Variants in POLR3B observed in about 807,000 individuals in gnomAD.
The protein encoded by POLR3B is DNA-directed RNA polymerase III subunit RPC2.
A neutral mutation model predicts 147.4 loss-of-function variants in POLR3B; 96 were observed. The ratio of observed to expected loss-of-function variants is 0.65; its 90% confidence interval spans 0.55 to 0.77. The LOEUF is 0.77. POLR3B is among the 30% of genes least tolerant of loss of function. The pLI, the probability that POLR3B is intolerant of heterozygous loss-of-function variation, is 0.00. For synonymous variants in POLR3B, 461 were observed against 485.9 expected, an observed-to-expected ratio of 0.95 and a Z score of 0.67; for missense variants, 1,036 against 1,413.5, an observed-to-expected ratio of 0.73 and a Z score of 4.28.
chr12:106,436,301 A>G (rs984057772), intron 16 of POLR3B, among the ~76,000 whole-genome samples: 1 of 152,170 alleles, frequency 6.6e-6, no homozygotes, highest in Non-Finnish European at 1.5e-5. Context: ...TCAGTGCCGC[A>G]TGCCATCCTT....
intron 12 of POLR3B, among the ~76,000 whole-genome samples, chr12:106,413,365 C>A (rs1016759312): frequency 1.3e-5 from 2 of 151,856 alleles, no homozygotes; most frequent in African/African-American, 2.4e-5. Flanking sequence ...TTATTATCTC[C>A]CATCATTTAC....
intron 23 of POLR3B, among the ~76,000 whole-genome samples, chr12:106,491,222 C>A (rs554911302): frequency 7.9e-5 from 12 of 152,272 alleles, no homozygotes; most frequent in African/African-American, 2.9e-4. Flanking sequence ...GAGATAGGTG[C>A]TAATTATTCC....
At chr12:106,508,120 C>T (rs1048886503) in intron 27 of POLR3B, among the ~76,000 whole-genome samples, 6 of 152,196 alleles carry the variant, frequency 3.9e-5, no homozygotes, top group African/African-American at 1.4e-4. Flanking sequence ...TTGTCCTATA[C>T]ACCTTCCATT....
intron 10 of POLR3B, among the ~76,000 whole-genome samples, chr12:106,397,149 G>A (rs1022839623): frequency 6.6e-6 from 1 of 150,446 alleles, no homozygotes; most frequent in African/African-American, 2.4e-5. Context: ...GCACATTGTT[G>A]TTCCAAAATA....
rs1057520785 is a variant in POLR3B, at chr12:106,496,751, G to T, written c.2818-1G>T. 8 of 1,613,978 alleles carry T rather than the reference G, an allele frequency of 5.0e-6. No individual in the cohort carries two copies. Among genetic ancestry groups the T allele is most frequent in the African/African-American group, 1.3e-5 (1 of 74,944 alleles). ...TCACTTAATTTGTTCACATCCTGCA[G>T]GTGGGGAAGCTCATTGAGCTGCTGG... On this transcript the variant is annotated splice_acceptor_variant, in intron 24 of 27. Coordinates refer to ENST00000228347, the MANE Select transcript of POLR3B (RefSeq NM_018082.6). LOFTEE classifies it high-confidence loss of function.
Position 106,504,296 on chromosome 12 carries a change from T to C in POLR3B, c.3272+42T>C. On this transcript the variant is annotated intron_variant, in intron 27 of 27. Coordinates refer to ENST00000228347, the MANE Select transcript of POLR3B (RefSeq NM_018082.6). The surrounding 1 kb of genome is among the most constrained non-coding windows in gnomAD (Gnocchi z 4.6). Reference sequence around the variant, plus strand: ...TGTCTCCCATACCACACCCCTTGCCTCTTAAATCACAGCTCAAGAATTGAC... The same window carrying C: ...TGTCTCCCATACCACACCCCTTGCCCCTTAAATCACAGCTCAAGAATTGAC... 6.6e-7 allele frequency: 1 copy of C among 1,522,164 alleles called. No individual in the cohort carries two copies. The allele number at this position is 1,522,164 out of a possible 1,614,324, so 94.3% of individuals were successfully genotyped here.
intron 16 of POLR3B, among the ~76,000 whole-genome samples, chr12:106,436,148 A>G (rs1216256709): frequency 1.3e-5 from 2 of 152,170 alleles, no homozygotes; most frequent in East Asian, 3.8e-4. Flanking sequence ...GTAATTGTGC[A>G]GCTCCTCTTC....
chr12:106,444,043 G>T (rs934136301), intron 18 of POLR3B, among the ~76,000 whole-genome samples: 1 of 150,160 alleles, frequency 6.7e-6, no homozygotes, highest in African/African-American at 2.5e-5. Context: ...GGATGGTCTC[G>T]ATCTCTTGAC....
At chr12:106,393,197 G>A (rs1481008219) in intron 10 of POLR3B, 44 bp downstream of exon 10, 1 of 1,611,838 alleles carries the variant, frequency 6.2e-7, no homozygotes, top group Non-Finnish European at 8.5e-7. Context: ...TGGAATTGGA[G>A]ACTTAATGCT....
Position 106,366,681 on chromosome 12 carries a change from TG to T in POLR3B, c.187del (p.Glu63LysfsTer13). On this transcript the variant is annotated frameshift_variant, in exon 4 of 28. Coordinates refer to ENST00000228347, the MANE Select transcript of POLR3B (RefSeq NM_018082.6). LOFTEE classifies it high-confidence loss of function. The stretch of plus-strand genomic sequence containing the variant: ...AGATAAAGAAGATAATGAAAGCCAA[TG>T]AAAAGGTTACAAGTGACGCTGACCC... The part of the protein sequence containing the change: ...VEIKKIMKAN[E>X]KVTSDADPMW... The T allele has an allele frequency of 6.2e-7, 1 of 1,613,872 alleles. No homozygotes were observed. The highest frequency in any genetic ancestry group is 8.5e-7 in the Non-Finnish European group (1 of 1,179,786).
chr12:106,421,151 A>G (rs1350300141), intron 12 of POLR3B, among the ~76,000 whole-genome samples: 1 of 151,998 alleles, frequency 6.6e-6, no homozygotes, highest in East Asian at 1.9e-4. Flanking sequence ...TTGTGTCAAG[A>G]TGTGATACAG....
chr12:106,458,825 T>C (rs531609235), intron 21 of POLR3B, among the ~76,000 whole-genome samples: 115 of 152,338 alleles, frequency 7.5e-4, no homozygotes, highest in Middle Eastern at 3.4e-3. Context: ...AATAACAGCA[T>C]AACCAAAGAA....
chr12:106,487,158 C>T (rs894850783), intron 23 of POLR3B, among the ~76,000 whole-genome samples: 23 of 152,184 alleles, frequency 1.5e-4, no homozygotes, highest in Non-Finnish European at 3.4e-4. Flanking sequence ...TAGTCCACAA[C>T]ATCAGTTATG....
chr12:106,390,244 AAAAC>A, intron 9 of POLR3B, among the ~76,000 whole-genome samples: 1 of 142,770 alleles, frequency 7.0e-6, no homozygotes, highest in South Asian at 2.2e-4. Context: ...GCAAAACAAA[AAAAC>A]AAGCAGAAAA....
intron 10 of POLR3B, among the ~76,000 whole-genome samples, chr12:106,402,282 T>A (rs538913867): frequency 5.5e-4 from 83 of 152,128 alleles, no homozygotes; most frequent in African/African-American, 1.8e-3. Context: ...CAAGGAGAAC[T>A]ACAAACCACT....
At chr12:106,438,786 G>A (rs1467820339) in intron 18 of POLR3B, among the ~76,000 whole-genome samples, 1 of 152,144 alleles carries the variant, frequency 6.6e-6, no homozygotes, top group Non-Finnish European at 1.5e-5. Flanking sequence ...TTTGTCCATG[G>A]ACATCTGAAT....
chr12:106,506,795 C>T (rs2038694935), intron 27 of POLR3B, among the ~76,000 whole-genome samples: 1 of 152,082 alleles, frequency 6.6e-6, no homozygotes, highest in Admixed American at 6.6e-5. Flanking sequence ...AATCCTAATC[C>T]ATTCTAGTAG....
chr12:106,462,482 C>T (rs757251072), intron 22 of POLR3B, among the ~76,000 whole-genome samples: 9 of 152,118 alleles, frequency 5.9e-5, no homozygotes, highest in African/African-American at 9.7e-5. Context: ...CCTCATGATC[C>T]GCCTGCCTTG....
At chr12:106,475,836 T>G (rs2038160468) in intron 23 of POLR3B, among the ~76,000 whole-genome samples, 1 of 150,988 alleles carries the variant, frequency 6.6e-6, no homozygotes, top group South Asian at 2.1e-4. Context: ...CCAGTCTGTG[T>G]CTTTTAATTG....
Sources: gnomAD v4.1 joint callset for allele counts (sites outside exome capture counted in the v4.1 genomes callset) on GRCh38, gnomAD v4.1.1 for gene constraint, Gnocchi (gnomAD v3.1) non-coding constraint, MANE v1.5 for transcripts, NCBI Gene and HGNC (gene_info 2026-07-23, HGNC 2026-07-21) for gene names.